The following EYS variants were observed in gnomAD, a reference collection of about 807,000 sequenced individuals.
EYS encodes the protein EGF-like photoreceptor maintenance factor.
Under a neutral mutation model 282.1 loss-of-function variants are expected in EYS, and 250 were observed. The observed-to-expected ratio is 0.89, with a 90% CI of 0.80 to 0.98. The LOEUF (loss-of-function observed/expected upper bound fraction) is 0.98. EYS is among the 50% of genes least tolerant of loss of function. The pLI is 0.00. For missense variants in EYS, 4,016 were observed against 3,709.0 expected, an observed-to-expected ratio of 1.08 and a Z score of -2.15; for synonymous variants, 1,355 against 1,282.9, an observed-to-expected ratio of 1.06 and a Z score of -1.20.
intron 26 of EYS, among the ~76,000 whole-genome samples, chr6:64,457,996 T>A (rs1775611016): frequency 6.6e-6 from 1 of 151,956 alleles, no homozygotes; most frequent in Non-Finnish European, 1.5e-5. Flanking sequence ...CATAAAAAAA[T>A]TTTGTAGTTA....
intron 35 of EYS, among the ~76,000 whole-genome samples, chr6:63,881,055 A>T (rs10944131): frequency 0.37 from 55,604 of 152,030 alleles, 10,630 homozygotes; most frequent in South Asian, 0.47. Context: ...TTCTTTTACA[A>T]TAAATGGATA....
intron 7 of EYS, among the ~76,000 whole-genome samples, chr6:65,391,562 C>T (rs1186357725): frequency 2.6e-5 from 4 of 152,096 alleles, no homozygotes; most frequent in Non-Finnish European, 5.9e-5. Context: ...GGTGAACTCC[C>T]ATTCACAATT....
chr6:64,444,856 C>G (rs772460846), intron 26 of EYS, among the ~76,000 whole-genome samples: 31 of 152,242 alleles, frequency 2.0e-4, no homozygotes, highest in Middle Eastern at 6.8e-3. Context: ...GAGTGTGGTA[C>G]TTCCTTTCTC....
intron 2 of EYS, among the ~76,000 whole-genome samples, chr6:65,499,204 T>G (rs557906483): frequency 6.6e-6 from 1 of 152,128 alleles, no homozygotes; most frequent in South Asian, 2.1e-4. Flanking sequence ...GAACAATATT[T>G]CTTCTTTCAC....
chr6:64,654,683 T>C (rs1421930775), intron 22 of EYS, among the ~76,000 whole-genome samples: 1 of 152,226 alleles, frequency 6.6e-6, no homozygotes, highest in Non-Finnish European at 1.5e-5. Flanking sequence ...TTTAAATACA[T>C]GATTTCTTTT....
At chr6:64,405,687 GACAA>G (rs1319744095) in intron 28 of EYS, among the ~76,000 whole-genome samples, 4 of 151,992 alleles carry the variant, frequency 2.6e-5, no homozygotes, top group Admixed American at 6.6e-5. Context: ...ACCAATAACA[GACAA>G]ACAGAGAGCC....
chr6:65,392,143 T>C (rs1249954271), intron 7 of EYS, among the ~76,000 whole-genome samples: 1 of 152,062 alleles, frequency 6.6e-6, no homozygotes, highest in African/African-American at 2.4e-5. Flanking sequence ...ACTGGATCCC[T>C]TCCTTACACC....
chr6:64,498,184 C>A (rs993536610), intron 26 of EYS, among the ~76,000 whole-genome samples: 3 of 152,188 alleles, frequency 2.0e-5, no homozygotes, highest in Non-Finnish European at 2.9e-5. Context: ...ATTTATTGCT[C>A]TAAGTGATTC....
chr6:64,898,223 C>T (rs1045246929), intron 18 of EYS, among the ~76,000 whole-genome samples: 7 of 152,116 alleles, frequency 4.6e-5, no homozygotes, highest in African/African-American at 1.7e-4. Flanking sequence ...GGGTTATCTA[C>T]AAAGGGAGCC....
chr6:64,519,171 C>T (rs3846798), intron 26 of EYS, among the ~76,000 whole-genome samples: 5,663 of 151,768 alleles, frequency 0.037, 330 homozygotes, highest in African/African-American at 0.13. Context: ...AAGGAAAATG[C>T]TCTCATCCTC....
At chr6:65,236,349 T>C (rs903858389) in intron 12 of EYS, among the ~76,000 whole-genome samples, 19 of 152,282 alleles carry the variant, frequency 1.2e-4, no homozygotes, top group African/African-American at 3.6e-4. Flanking sequence ...CGGTGGCTCA[T>C]GCCTGTAATC....
chr6:65,266,212 C>T (rs960146988), intron 12 of EYS, among the ~76,000 whole-genome samples: 6 of 151,872 alleles, frequency 4.0e-5, no homozygotes, highest in African/African-American at 1.4e-4. Context: ...CTTTACTATT[C>T]ATTCTAGTTA....
chr6:64,629,992 G>A (rs757070357), intron 22 of EYS, among the ~76,000 whole-genome samples: 2 of 152,104 alleles, frequency 1.3e-5, no homozygotes, highest in Non-Finnish European at 2.9e-5. Context: ...AGGAGAAAGG[G>A]TTTAGTTTTC....
chr6:64,632,973 A>T (rs1767842170), intron 22 of EYS, among the ~76,000 whole-genome samples: 1 of 152,170 alleles, frequency 6.6e-6, no homozygotes, highest in Non-Finnish European at 1.5e-5. Flanking sequence ...TCAAATGTGT[A>T]ATTTAATTTT....
At chr6:64,766,004 A>G (rs77600213) in intron 22 of EYS, among the ~76,000 whole-genome samples, 7,105 of 152,220 alleles carry the variant, frequency 0.047, 242 homozygotes, top group East Asian at 0.19. Context: ...AGGGTCAAAT[A>G]TATTAGCTAG....
At chr6:64,250,560 C>A (rs764619321) in intron 30 of EYS, among the ~76,000 whole-genome samples, 16 of 152,152 alleles carry the variant, frequency 1.1e-4, no homozygotes, top group Non-Finnish European at 1.9e-4. Context: ...TTTCAAAATT[C>A]AAAAGCATTT....
chr6:63,727,737 AAT>A lies in EYS; in HGVS notation c.8072-1059_8072-1058del, dbSNP rs70999122. 5.2e-4 allele frequency among the ~76,000 whole-genome samples: 19 copies of A among 36,730 alleles called. 1 individual carries two copies. The highest frequency in any genetic ancestry group is 3.7e-3 in the South Asian group (3 of 818). 24.1% of individuals were successfully genotyped at this position (36,730 alleles called of 152,430 possible). ...AAAAAAAAAAAAAAAAAAAAAAAAA[AAT>A]ATATATATATATGTTAGCTGGGCAT... On this transcript the variant is annotated intron_variant, in intron 41 of 42. Coordinates refer to ENST00000503581, the MANE Select transcript of EYS (RefSeq NM_001142800.2).
intron 36 of EYS, among the ~76,000 whole-genome samples, chr6:63,852,849 A>G (rs529566220): frequency 6.6e-6 from 1 of 152,306 alleles, no homozygotes; most frequent in African/African-American, 2.4e-5. Flanking sequence ...AATAAATGTA[A>G]TCCATCACAT....
At position 63,950,034 on chromosome 6, in the gene EYS, G is replaced by A. The variant is rs185188284; in HGVS notation, c.7055+34349C>T. 1.6e-3 allele frequency among the ~76,000 whole-genome samples: 245 copies of A among 152,080 alleles called. 1 individual carries two copies. The highest frequency in any genetic ancestry group is 2.8e-3 in the Non-Finnish European group (189 of 67,966). On this transcript the variant is annotated intron_variant, in intron 35 of 42. Transcript: ENST00000503581. ...TAAAAATACAAAAAATTAGCCGGGCGTGGTGGCAGGCACCTGTAATACCAG... is the reference window on the plus strand; with the variant it reads ...TAAAAATACAAAAAATTAGCCGGGCATGGTGGCAGGCACCTGTAATACCAG...
Sources: gnomAD v4.1 joint callset for allele counts (sites outside exome capture counted in the v4.1 genomes callset) on GRCh38, gnomAD v4.1.1 for gene constraint, MANE v1.5 for transcripts, NCBI Gene and HGNC (gene_info 2026-07-23, HGNC 2026-07-21) for gene names.